The following CDH24 variants were observed in gnomAD, a reference collection of about 807,000 sequenced individuals.
CDH24 encodes cadherin-24.
Under a neutral mutation model 71.2 loss-of-function variants are expected in CDH24, and 61 were observed. The observed-to-expected ratio is 0.86, with a 90% CI of 0.70 to 1.06. The LOEUF is 1.06. Ranked by LOEUF, CDH24 falls within the 50% of genes least tolerant of loss-of-function variation. The probability of loss-of-function intolerance (pLI) is 0.00; values close to 1 mark genes in which losing one functional copy is unlikely to be tolerated. For missense variants in CDH24, 961 were observed against 1,083.7 expected, an observed-to-expected ratio of 0.89 and a Z score of 1.59; for synonymous variants, 440 against 470.2, an observed-to-expected ratio of 0.94 and a Z score of 0.83.
intron 8 of CDH24, 171 bp from the exon 9 acceptor site, chr14:23,050,114 C>T (rs559169637): frequency 1.1e-6 from 1 of 873,352 alleles, no homozygotes; most frequent in Admixed American, 2.8e-5. Context: ...ATGAATGGAA[C>T]AATACCAAGT....
chr14:23,049,056 G>T lies in CDH24; in HGVS notation c.1817C>A (p.Ala606Asp). The T allele has an allele frequency of 6.2e-7, 1 of 1,612,808 alleles. No homozygotes were observed. The highest frequency in any genetic ancestry group is 8.5e-7 in the Non-Finnish European group (1 of 1,179,940). ...CAGGGCACCCACACAGGTGATGATG[G>T]CAAGCAGGGCGCCGGTGCTGAGCCC... ...AAGLSTGALL[A>D]IITCVGALLA... is the part of the protein sequence containing the mutation. The change falls in exon 11 of 13, where the codon GCC becomes GAC. Residue 606 changes from alanine to aspartate, a missense_variant. Ala to Asp is a moderately radical substitution (Grantham distance 126, BLOSUM62 -2). This residue lies in a region of CDH24 where 671 missense variants were observed against 810.9 expected (regional missense o/e 0.83). Transcript: ENST00000487137.
In CDH24 at chr14:23,048,073, G is replaced by A. The variant is rs1261372524; in HGVS notation, c.2253C>T (p.Gly751=). ...SSLGSGSEAG[G]APGPAEPLDD... is the part of the protein sequence containing the mutation. ...CCAGCGGCTCCGCGGGGCCGGGGGC[G>A]CCGCCGGCTTCGCTGCCGGAGCCCA... is the stretch of plus-strand genomic sequence containing the variant. Residue 751 remains glycine, a synonymous_variant, in exon 12 of 13, where the codon GGC becomes GGT. Coordinates refer to ENST00000487137, the MANE Select transcript of CDH24 (RefSeq NM_144985.4). 1 of 1,423,242 alleles carries A rather than the reference G, an allele frequency of 7.0e-7. No individual in the cohort carries two copies. The highest frequency in any genetic ancestry group is 9.1e-7 in the Non-Finnish European group (1 of 1,094,026). 88.2% of individuals were successfully genotyped at this position (1,423,242 alleles called of 1,614,324 possible).
intron 7 of CDH24, among the ~76,000 whole-genome samples, chr14:23,052,917 C>G (rs777197290): frequency 5.3e-5 from 8 of 152,142 alleles, no homozygotes; most frequent in Non-Finnish European, 1.2e-4. Flanking sequence ...AACCCAGGGA[C>G]ATGTGTTTCA....
chr14:23,054,053 G>A lies in CDH24; in HGVS notation c.972+88C>T. ...CTAAGCTCCAACAGAGAGATCCTGA[G>A]TCTGTTCTAGAAGAACAGTTAAATA... On this transcript the variant is annotated intron_variant, in intron 6 of 12. Transcript: ENST00000487137. The surrounding 1 kb of genome is among the most constrained non-coding windows in gnomAD (Gnocchi z 5.2). 7.5e-7 allele frequency: 1 copy of A among 1,339,138 alleles called. No homozygotes were observed. Among genetic ancestry groups the A allele is most frequent in the South Asian group, 1.4e-5 (1 of 70,774 alleles). 83.0% of individuals were successfully genotyped at this position (1,339,138 alleles called of 1,614,324 possible).
intron 1 of CDH24, among the ~76,000 whole-genome samples, chr14:23,056,763 G>T (rs909482752): frequency 1.3e-5 from 2 of 152,114 alleles, no homozygotes; most frequent in African/African-American, 4.8e-5. Flanking sequence ...GCAGACAGGA[G>T]GGGTGGAGGC....
chr14:23,056,970 GGGATGAGGAGGC>G (rs2047139352), intron 1 of CDH24, among the ~76,000 whole-genome samples: 1 of 93,436 alleles, frequency 1.1e-5, no homozygotes, highest in East Asian at 2.7e-4. Flanking sequence ...GAGAGAAGGC[GGGATGAGGAGGC>G]GAGAAGGAAG....
At chr14:23,056,758 C>A (rs954901942) in intron 1 of CDH24, among the ~76,000 whole-genome samples, 3 of 151,780 alleles carry the variant, frequency 2.0e-5, no homozygotes, top group African/African-American at 7.3e-5. Context: ...AAGGAGCAGA[C>A]AGGAGGGGTG....
At chr14:23,048,964 G>A in intron 11 of CDH24, 63 bp downstream of exon 11, 2 of 1,557,428 alleles carry the variant, frequency 1.3e-6, no homozygotes, top group Non-Finnish European at 1.7e-6. Flanking sequence ...CAGAGGCCTG[G>A]TTCTTCTCCA....
At chr14:23,052,365 A>G (rs1439537571) in intron 8 of CDH24, 108 bp downstream of exon 8, 45 of 1,219,396 alleles carry the variant, frequency 3.7e-5, no homozygotes, top group Non-Finnish European at 5.2e-5. Flanking sequence ...CAGTGGCCGC[A>G]CGCTGGTGAG....
Position 23,049,679 on chromosome 14 carries a change from G to A in CDH24, c.1545C>T (p.Ser515=), listed in dbSNP as rs781276382. The A allele has an allele frequency of 1.2e-6, 2 of 1,611,068 alleles. No homozygotes were observed. The highest frequency in any genetic ancestry group is 1.7e-6 in the Non-Finnish European group (2 of 1,178,064). ...RDEVGNSSHV[S]FQGPLGPDAN... ...CATCAGGGCCCAGAGGACCTTGAAA[G>A]GAGACATGGCTACTGTTGCCAACTT... The change falls in exon 10 of 13, where the codon TCC becomes TCT. Residue 515 remains serine, a synonymous_variant. Coordinates refer to ENST00000487137, the MANE Select transcript of CDH24 (RefSeq NM_144985.4).
chr14:23,054,595 A>T lies in CDH24; in HGVS notation c.695T>A (p.Met232Lys), dbSNP rs531645564. ...EFLVVIQAKDMGGHMGGLSGS... is the reference protein window; with the variant it reads ...EFLVVIQAKDKGGHMGGLSGS... Reference sequence around the variant, plus strand: ...TGACAGCCCCCCCATGTGGCCGCCCATGTCCTTGGCCTGGATCACCACCAA... The same window carrying T: ...TGACAGCCCCCCCATGTGGCCGCCCTTGTCCTTGGCCTGGATCACCACCAA... Residue 232 changes from methionine (M) to lysine (K), a missense_variant, in exon 5 of 13, where the codon ATG (methionine) becomes AAG (lysine). Around this residue, in one of 2 missense-constraint regions of CDH24, gnomAD observed 671 missense variants for 810.9 expected, o/e 0.83. Coordinates refer to ENST00000487137, the MANE Select transcript of CDH24 (RefSeq NM_144985.4). This position sits in a 1 kb window ranked among gnomAD's most constrained non-coding sequence, Gnocchi z 5.2. The T allele has an allele frequency of 1.4e-5, 22 of 1,613,998 alleles. No individual in the cohort carries two copies. The highest frequency in any genetic ancestry group is 1.6e-5 in the Non-Finnish European group (19 of 1,179,956).
Position 23,052,565 on chromosome 14 carries a change from A to G in CDH24, c.1271T>C (p.Ile424Thr). Residue 424 changes from isoleucine to threonine, a missense_variant, in exon 8 of 13, where the codon ATC becomes ACC. By Grantham distance (89) the Ile-to-Thr change is moderately conservative (BLOSUM62 -1). Transcript: ENST00000487137. ...PHSDPERCFS[I>T]QPEEGTIHTA... Reference sequence around the variant, plus strand: ...ATGGATGGTGCCTTCCTCGGGCTGGATAGAGAAGCAACGCTCCGGATCTGA... The same window carrying G: ...ATGGATGGTGCCTTCCTCGGGCTGGGTAGAGAAGCAACGCTCCGGATCTGA... 6.2e-7 allele frequency: 1 copy of G among 1,613,982 alleles called. No individual in the cohort carries two copies. The highest frequency in any genetic ancestry group is 8.5e-7 in the Non-Finnish European group (1 of 1,179,998).
intron 8 of CDH24, 61 bp downstream of exon 8, chr14:23,052,412 A>C: frequency 6.3e-7 from 1 of 1,595,724 alleles, no homozygotes. Flanking sequence ...CCACCCCCAC[A>C]CCCAGGGACA....
rs1033343044 is a variant in CDH24, at chr14:23,055,008, G to T, written c.496+51C>A. 1.3e-6 allele frequency: 2 copies of T among 1,592,754 alleles called. No individual in the cohort carries two copies. The highest frequency in any genetic ancestry group is 1.7e-6 in the Non-Finnish European group (2 of 1,166,462). On this transcript the variant is annotated intron_variant, in intron 3 of 12. Coordinates refer to ENST00000487137, the MANE Select transcript of CDH24 (RefSeq NM_144985.4). The surrounding 1 kb of genome is among the most constrained non-coding windows in gnomAD (Gnocchi z 4.1). The stretch of plus-strand genomic sequence containing the variant: ...AGACAACAAGAAGGGAAGGAGAGGT[G>T]AGAGAGCTCCAGAAGACGGGAACTG...
rs1411314177 is a variant in CDH24, at chr14:23,054,773, G to C, written c.590C>G (p.Pro197Arg). Residue 197 changes from proline (P) to arginine (R), a missense_variant, in exon 4 of 13, where the codon CCT (proline) becomes CGT (arginine). This residue lies in a region of CDH24 where 671 missense variants were observed against 810.9 expected (regional missense o/e 0.83). Transcript: ENST00000487137. The surrounding 1 kb of genome is among the most constrained non-coding windows in gnomAD (Gnocchi z 5.2). ...AGTCTGGGGGTCCACAGAGAAGAAA[G>C]GCAGTCCATCCAGAACAGTGTACAC... The part of the protein sequence containing the change: ...KLVYTVLDGL[P>R]FFSVDPQTGV... The C allele has an allele frequency of 2.5e-6, 4 of 1,613,986 alleles. No homozygotes were observed. In the Admixed American group the frequency reaches 6.7e-5, roughly 27 times the overall value.
In CDH24 at chr14:23,052,591, G is replaced by T. The variant is rs775747588; in HGVS notation, c.1245C>A (p.His415Gln). The T allele has an allele frequency of 6.2e-7, 1 of 1,613,948 alleles. No homozygotes were observed. Among genetic ancestry groups the T allele is most frequent in the Admixed American group, 1.7e-5 (1 of 60,026 alleles). ...ASPIRYSILP[H>Q]SDPERCFSIQ... The stretch of plus-strand genomic sequence containing the variant: ...TAGAGAAGCAACGCTCCGGATCTGA[G>T]TGGGGGAGGATGGAGTATCTGGGGA... The change falls in exon 8 of 13, where the codon CAC becomes CAA. Residue 415 changes from histidine to glutamine, a missense_variant. His to Gln is a conservative substitution (Grantham distance 24, BLOSUM62 0). This residue lies in a region of CDH24 where 671 missense variants were observed against 810.9 expected (regional missense o/e 0.83). Transcript: ENST00000487137.
Position 23,047,780 on chromosome 14 carries a change from C to G in CDH24, c.*200G>C. 1 of 374,906 alleles carries G rather than the reference C, an allele frequency of 2.7e-6. No homozygotes were observed. Among genetic ancestry groups the G allele is most frequent in the Non-Finnish European group, 4.7e-6 (1 of 212,178 alleles). The allele number at this position is 374,906 out of a possible 1,614,324, so 23.2% of individuals were successfully genotyped here. On this transcript the variant is annotated 3_prime_UTR_variant, in exon 12 of 13. Coordinates refer to ENST00000487137, the MANE Select transcript of CDH24 (RefSeq NM_144985.4). The stretch of plus-strand genomic sequence containing the variant: ...CGTGTCACAGATAGAGACAAAGATT[C>G]CTGGAGAGAGACACACACACCGACT...
intron 8 of CDH24, chr14:23,050,261 G>A (rs977487005): frequency 4.1e-6 from 1 of 241,298 alleles, no homozygotes. Flanking sequence ...CAGAGGGAAG[G>A]TGCATACGAG....
At chr14:23,053,349 C>G in intron 7 of CDH24, 147 bp downstream of exon 7, 2 of 987,096 alleles carry the variant, frequency 2.0e-6, no homozygotes, top group South Asian at 3.7e-5. Flanking sequence ...GGCACCCAGG[C>G]CTGCAGACCA....
Sources: allele counts gnomAD v4.1 joint callset (sites outside exome capture counted in the v4.1 genomes callset), GRCh38; gene constraint gnomAD v4.1.1; regional missense constraint gnomAD v4.1.1; non-coding constraint Gnocchi (gnomAD v3.1); transcripts MANE v1.5; gene names NCBI Gene and HGNC (gene_info 2026-07-23, HGNC 2026-07-21).